ZNF665: variants seen among roughly 807,000 people sequenced by gnomAD.
ZNF665 encodes zinc finger protein 665.
Under a neutral mutation model 7.9 loss-of-function variants are expected in ZNF665, and 6 were observed. That is an observed-to-expected ratio of 0.76 (90% CI 0.42 to 1.50). The LOEUF is 1.50. Ranked by LOEUF, ZNF665 falls within the 40% of genes most tolerant of loss-of-function variation. ZNF665 has a pLI of 0.01. For synonymous variants in ZNF665, 242 were observed against 274.5 expected, an observed-to-expected ratio of 0.88 and a Z score of 1.17; for missense variants, 819 against 806.7, an observed-to-expected ratio of 1.02 and a Z score of -0.18.
chr19:53,172,126 C>G (rs1158769330), intron 3 of ZNF665, among the ~76,000 whole-genome samples: 2 of 151,954 alleles, frequency 1.3e-5, no homozygotes, highest in Non-Finnish European at 2.9e-5. Flanking sequence ...CTAATTTTTT[C>G]TTAATTTTTA....
Position 53,165,268 on chromosome 19 carries a change from C to T in ZNF665, c.1222G>A (p.Val408Ile), listed in dbSNP as rs375884834. 38 of 1,613,018 alleles carry T rather than the reference C, an allele frequency of 2.4e-5. No individual in the cohort carries two copies. The highest frequency in any genetic ancestry group is 1.2e-4 in the African/African-American group (9 of 74,832). The change falls in exon 4 of 4, where the codon GTC becomes ATC. Residue 408 changes from valine to isoleucine, a missense_variant. Physicochemically the swap from Val to Ile is conservative, Grantham distance 29 (BLOSUM62 3). Transcript: ENST00000396424. The part of the protein sequence containing the change: ...GEKPFKCNEC[V>I]KVFTQYSHLA... Reference sequence around the variant, plus strand: ...TGTGAATACTGAGTGAAAACCTTGACGCATTCATTACATTTGAAAGGCTTT... The same window carrying T: ...TGTGAATACTGAGTGAAAACCTTGATGCATTCATTACATTTGAAAGGCTTT...
At chr19:53,191,945 C>T (rs954609332) in intron 1 of ZNF665, 1 of 152,260 alleles carries the variant, frequency 6.6e-6, no homozygotes, top group Admixed American at 6.6e-5. Flanking sequence ...CATAGTCCCC[C>T]TCTTTCTTCC....
Position 53,165,252 on chromosome 19 carries a change from T to G in ZNF665, c.1238A>C (p.Gln413Pro). Residue 413 changes from glutamine (Q) to proline (P), a missense_variant, in exon 4 of 4, where the codon CAG (glutamine) becomes CCG (proline). Transcript: ENST00000396424. ...KCNECVKVFTQYSHLANHRRI... is the reference protein window; with the variant it reads ...KCNECVKVFTPYSHLANHRRI... ...TCGATGATTTGCTAAGTGTGAATAC[T>G]GAGTGAAAACCTTGACGCATTCATT... 6.2e-7 allele frequency: 1 copy of G among 1,614,144 alleles called. No homozygotes were observed. Among genetic ancestry groups the G allele is most frequent in the Non-Finnish European group, 8.5e-7 (1 of 1,180,020 alleles).
intron 2 of ZNF665, chr19:53,180,542 A>C (rs1479495181): frequency 6.6e-6 from 1 of 152,332 alleles, no homozygotes; most frequent in Non-Finnish European, 1.5e-5. Flanking sequence ...TATGTCTTTT[A>C]TAAAACCATG....
At chr19:53,184,817 A>AG (rs200171602) in intron 1 of ZNF665, among the ~76,000 whole-genome samples, 26,221 of 148,478 alleles carry the variant, frequency 0.18, 2,791 homozygotes, top group South Asian at 0.3. Context: ...GATACAAGAC[A>AG]AAGGGGCAGG....
In ZNF665 at chr19:53,168,903, C is replaced by A. The variant is rs928930484; in HGVS notation, c.143-2556G>T. ...AATTAGATCTTCATATGCAAAAAAA[C>A]CCTTTTGTTTATACCTCATTCCATA... On this transcript the variant is annotated intron_variant, in intron 3 of 3. Coordinates refer to ENST00000396424, the MANE Select transcript of ZNF665 (RefSeq NM_024733.5). 1.2e-4 allele frequency among the ~76,000 whole-genome samples: 18 copies of A among 152,124 alleles called. No homozygotes were observed. The South Asian group carries it at 1.9e-3, about 16-fold the overall frequency.
chr19:53,179,445 CTTTTTTTTG>C (rs2090721977), intron 2 of ZNF665: 1 of 136,176 alleles, frequency 7.3e-6, no homozygotes, highest in African/African-American at 2.7e-5. Flanking sequence ...AAATTTATTT[CTTTTTTTTG>C]TTTTTTTTTT....
At position 53,165,825 on chromosome 19, in the gene ZNF665, G is replaced by T. The variant is rs1428643272; in HGVS notation, c.665C>A (p.Thr222Lys). The change falls in exon 4 of 4, where the codon ACA (threonine) becomes AAA (lysine). Residue 222 changes from threonine (T) to lysine (K), a missense_variant. Coordinates refer to ENST00000396424, the MANE Select transcript of ZNF665 (RefSeq NM_024733.5). The stretch of plus-strand genomic sequence containing the variant: ...TCCAGTATGGATGACCTGATGGATT[G>T]TTAGGTTTGAACGAACAGTAAAGGC... ...GKAFTVRSNL[T>K]IHQVIHTGEK... is the part of the protein sequence containing the mutation. 1 of 1,614,006 alleles carries T rather than the reference G, an allele frequency of 6.2e-7. No homozygotes were observed. Among genetic ancestry groups the T allele is most frequent in the Non-Finnish European group, 8.5e-7 (1 of 1,180,016 alleles).
At chr19:53,172,166 C>T (rs561687204) in intron 3 of ZNF665, among the ~76,000 whole-genome samples, 2 of 152,114 alleles carry the variant, frequency 1.3e-5, no homozygotes, top group Admixed American at 1.3e-4. Flanking sequence ...AATTTGTCTG[C>T]TTTTTCAAAT....
intron 1 of ZNF665, among the ~76,000 whole-genome samples, chr19:53,184,791 G>A (rs889570894): frequency 1.4e-4 from 21 of 151,096 alleles, no homozygotes; most frequent in African/African-American, 3.6e-4. Flanking sequence ...ATGCCAGGCC[G>A]CGCTGATATT....
At chr19:53,190,919 G>A (rs1299345402) in intron 1 of ZNF665, among the ~76,000 whole-genome samples, 1 of 138,986 alleles carries the variant, frequency 7.2e-6, no homozygotes, top group African/African-American at 3.3e-5. Context: ...GGGTGACAGA[G>A]CAAGACTCCG....
At chr19:53,173,566 C>A (rs1198655741) in intron 3 of ZNF665, among the ~76,000 whole-genome samples, 3 of 151,598 alleles carry the variant, frequency 2.0e-5, no homozygotes, top group Non-Finnish European at 4.4e-5. Flanking sequence ...GTAGAGACAG[C>A]ATTTCACCAT....
rs878943566 is a variant in ZNF665, at chr19:53,165,072, A to T, written c.1418T>A (p.Leu473His). The T allele has an allele frequency of 8.1e-6, 13 of 1,613,974 alleles. No homozygotes were observed. In the South Asian group the frequency reaches 1.4e-4, roughly 18 times the overall value. The change falls in exon 4 of 4, where the codon CTT becomes CAT. Residue 473 changes from leucine (L) to histidine (H), a missense_variant. Physicochemically the swap from Leu to His is moderately conservative, Grantham distance 99. Coordinates refer to ENST00000396424, the MANE Select transcript of ZNF665 (RefSeq NM_024733.5). ...AGAATGAATTCCCCGATGACTTGCA[A>T]GGTGTGAATTTTGTGTGAAGACCTT... The part of the protein sequence containing the change: ...CGKVFTQNSH[L>H]ASHRGIHSGE...
At chr19:53,185,738 G>A (rs1040207534) in intron 1 of ZNF665, among the ~76,000 whole-genome samples, 2 of 151,832 alleles carry the variant, frequency 1.3e-5, no homozygotes, top group Non-Finnish European at 2.9e-5. Context: ...CGTGATCAGC[G>A]AGGTATCAAA....
chr19:53,164,909 T>A lies in ZNF665; in HGVS notation c.1581A>T (p.Ser527=). 2 of 1,614,212 alleles carry A rather than the reference T, an allele frequency of 1.2e-6. No homozygotes were observed. The highest frequency in any genetic ancestry group is 1.7e-6 in the Non-Finnish European group (2 of 1,180,046). ...GTATTGTCTGATGTATAGTTAGGCT[T>A]GAATGAACACTAAAGGCTTTGCCAC... is the stretch of plus-strand genomic sequence containing the variant. ...NECGKAFSVH[S]SLTIHQTIHT... The change falls in exon 4 of 4, where the codon TCA becomes TCT. Residue 527 remains serine, a synonymous_variant. Coordinates refer to ENST00000396424, the MANE Select transcript of ZNF665 (RefSeq NM_024733.5).
chr19:53,171,869 C>T (rs951172973), intron 3 of ZNF665, among the ~76,000 whole-genome samples: 2 of 152,008 alleles, frequency 1.3e-5, no homozygotes, highest in Non-Finnish European at 2.9e-5. Flanking sequence ...ATTCTCCAGC[C>T]TCTGCCTCCC....
At position 53,175,567 on chromosome 19, in the gene ZNF665, T is replaced by G; in HGVS notation, c.20A>C (p.Gln7Pro). 1 of 1,597,996 alleles carries G rather than the reference T, an allele frequency of 6.3e-7. No individual in the cohort carries two copies. The highest frequency in any genetic ancestry group is 1.1e-5 in the South Asian group (1 of 88,748). Residue 7 changes from glutamine to proline, a missense_variant, in exon 3 of 4, where the codon CAG (glutamine) becomes CCG (proline). Gln to Pro is a moderately conservative substitution (Grantham distance 76). Transcript: ENST00000396424. ...TATGGCCACATCCTTGAATGTCAAC[T>G]GTCCCTAAAATGAAAAACACATTTC... MALPQG[Q>P]LTFKDVAIEF...
chr19:53,165,720 G>A lies in ZNF665; in HGVS notation c.770C>T (p.Thr257Ile). The change falls in exon 4 of 4, where the codon ACT (threonine) becomes ATT (isoleucine). Residue 257 changes from threonine (T) to isoleucine (I), a missense_variant. Thr to Ile is a moderately conservative substitution (Grantham distance 89, BLOSUM62 -1). Transcript: ENST00000396424. Reference protein sequence around the residue: ...SNLAGHQRIHTGEKPYKCNEC... With the variant: ...SNLAGHQRIHIGEKPYKCNEC... ...ATTACACTTGTAAGGTTTCTCTCCA[G>A]TATGAATTCTCTGATGACCTGCAAG... The A allele has an allele frequency of 6.2e-7, 1 of 1,614,176 alleles. No individual in the cohort carries two copies. The highest frequency in any genetic ancestry group is 8.5e-7 in the Non-Finnish European group (1 of 1,180,034).
At chr19:53,175,945 GA>G (rs955195293) in intron 2 of ZNF665, among the ~76,000 whole-genome samples, 5 of 152,170 alleles carry the variant, frequency 3.3e-5, no homozygotes, top group Non-Finnish European at 7.3e-5. Context: ...TGGATCACTT[GA>G]GGTCAGGAGT....
Sources: gnomAD v4.1 joint callset for allele counts (sites outside exome capture counted in the v4.1 genomes callset) on GRCh38, gnomAD v4.1.1 for gene constraint, MANE v1.5 for transcripts, NCBI Gene and HGNC (gene_info 2026-07-23, HGNC 2026-07-21) for gene names.